PPIG: variants seen among roughly 807,000 people sequenced by gnomAD.
PPIG encodes peptidyl-prolyl cis-trans isomerase G.
PPIG carries 26 observed loss-of-function variants against 87.9 expected under a neutral mutation model. The observed-to-expected ratio is 0.30, with a 90% CI of 0.22 to 0.41. The LOEUF (loss-of-function observed/expected upper bound fraction) is 0.41. Ranked by LOEUF, PPIG falls within the 10% of genes least tolerant of loss-of-function variation. PPIG has a pLI of 1.00. For missense variants in PPIG, 722 were observed against 879.4 expected (o/e 0.82, Z 2.26); for synonymous variants, 308 against 276.5 (o/e 1.11, Z -1.13).
At chr2:169,611,910 T>G (rs1237624525) in intron 7 of PPIG, among the ~76,000 whole-genome samples, 1 of 152,224 alleles carries the variant, frequency 6.6e-6, no homozygotes, top group East Asian at 1.9e-4. Flanking sequence ...TTTTGTACTA[T>G]AACATATAGA....
intron 6 of PPIG, among the ~76,000 whole-genome samples, chr2:169,608,003 G>A (rs762870136): frequency 2.7e-4 from 41 of 152,104 alleles, no homozygotes; most frequent in Non-Finnish European, 5.6e-4. Flanking sequence ...GAGTAGCTAG[G>A]ACTACAGCCA....
chr2:169,636,931 A>T lies in PPIG; in HGVS notation c.1673A>T (p.Tyr558Phe). The T allele has an allele frequency of 6.2e-7, 1 of 1,614,022 alleles. No individual in the cohort carries two copies. Among genetic ancestry groups the T allele is most frequent in the Non-Finnish European group, 8.5e-7 (1 of 1,179,964 alleles). Reference sequence around the variant, plus strand: ...GATATAACTAAAGGTAAACACAGTTATAATAGCAGAACAAGAGAACGAAGC... The same window carrying T: ...GATATAACTAAAGGTAAACACAGTTTTAATAGCAGAACAAGAGAACGAAGC... ...ECDITKGKHS[Y>F]NSRTRERSRS... Residue 558 changes from tyrosine (Y) to phenylalanine (F), a missense_variant, in exon 14 of 14, where the codon TAT becomes TTT. Physicochemically the swap from Tyr to Phe is conservative, Grantham distance 22. This residue lies in a region of PPIG where 476 missense variants were observed against 483.1 expected (regional missense o/e 0.99). Coordinates refer to ENST00000260970, the MANE Select transcript of PPIG (RefSeq NM_004792.3).
rs6708481 is a variant in PPIG at position 169,604,026 on chromosome 2, A to C, written c.-16A>C. ...GTCTGAAACTGTATTTTACTCACAG[A>C]TTAAGTATTGGAGCCATGGGAATAA... On this transcript the variant is annotated splice_region_variant and 5_prime_UTR_variant, in exon 3 of 14. Coordinates refer to ENST00000260970, the MANE Select transcript of PPIG (RefSeq NM_004792.3). 6.3e-3 allele frequency: 10,196 copies of C among 1,611,774 alleles called. 525 individuals are homozygous for C. In the African/African-American group the frequency reaches 0.12, roughly 19 times the overall value.
chr2:169,638,963 A>G lies in PPIG; in HGVS notation c.*1440A>G, dbSNP rs1046828061. The G allele has an allele frequency of 3.3e-5, 5 of 152,024 alleles. No homozygotes were observed. Among genetic ancestry groups the G allele is most frequent in the East Asian group, 1.9e-4 (1 of 5,198 alleles). 9.4% of individuals were successfully genotyped at this position (152,024 alleles called of 1,614,324 possible). A position where few individuals can be genotyped will look rare whatever the true frequency, so the allele number is the denominator to read the frequency against. On this transcript the variant is annotated 3_prime_UTR_variant, in exon 14 of 14. Transcript: ENST00000260970. ...CAGTGTAGTGTCAACTCTGTTACCA[A>G]GGTAGCTTCTTGGTAAATCCAGTAG...
rs1254137978 is a variant in PPIG, at chr2:169,614,445, A to G, written c.378-19A>G. 6.5e-7 allele frequency: 1 copy of G among 1,537,564 alleles called. No homozygotes were observed. The highest frequency in any genetic ancestry group is 2.3e-5 in the East Asian group (1 of 44,018). On this transcript the variant is annotated intron_variant, in intron 7 of 13. Coordinates refer to ENST00000260970, the MANE Select transcript of PPIG (RefSeq NM_004792.3). ...TCTCTGACTTTGTTTTTATTCTTCT[A>G]TCTGATGATTTCCAAAAGAACAACG...
chr2:169,630,645 C>G (rs909573246), intron 9 of PPIG, 129 bp from the exon 10 acceptor site: 4 of 759,654 alleles, frequency 5.3e-6, no homozygotes, highest in African/African-American at 1.8e-5. Context: ...CCTGTACTTC[C>G]CAGTTCACAT....
At position 169,637,746 on chromosome 2, in the gene PPIG, T is replaced by G; in HGVS notation, c.*223T>G. 2.1e-6 allele frequency: 1 copy of G among 468,588 alleles called. No individual in the cohort carries two copies. The allele number at this position is 468,588 out of a possible 1,614,324, so 29.0% of individuals were successfully genotyped here. On this transcript the variant is annotated 3_prime_UTR_variant, in exon 14 of 14. Coordinates refer to ENST00000260970, the MANE Select transcript of PPIG (RefSeq NM_004792.3). ...AATAAACTCGACATGAGAAAAACAC[T>G]TTGGTGTAGTACTGTGTGCTGTGTT...
intron 7 of PPIG, among the ~76,000 whole-genome samples, chr2:169,609,519 G>A (rs753334271): frequency 1.3e-5 from 2 of 152,140 alleles, no homozygotes; most frequent in Non-Finnish European, 1.5e-5. Context: ...AAATTGTTCT[G>A]CTAATGTTTT....
intron 1 of PPIG, among the ~76,000 whole-genome samples, chr2:169,597,395 A>C (rs1161412895): frequency 6.6e-6 from 1 of 152,100 alleles, no homozygotes; most frequent in Non-Finnish European, 1.5e-5. Context: ...CTCGGCTGAA[A>C]GAGTCCTCCC....
chr2:169,591,967 G>T (rs1411042727), intron 1 of PPIG, among the ~76,000 whole-genome samples: 2 of 116,896 alleles, frequency 1.7e-5, no homozygotes, highest in Non-Finnish European at 3.2e-5. Context: ...CACTCTGTTG[G>T]CCAGGCTGGA....
intron 1 of PPIG, among the ~76,000 whole-genome samples, chr2:169,590,100 C>T (rs983103062): frequency 2.8e-5 from 4 of 141,708 alleles, no homozygotes; most frequent in East Asian, 4.2e-4. Flanking sequence ...CAAGAAAGAG[C>T]GAAACTCTGT....
At position 169,640,352 on chromosome 2, in the gene PPIG, G is replaced by A. The variant is rs1686282032; in HGVS notation, c.*2829G>A. On this transcript the variant is annotated 3_prime_UTR_variant, in exon 14 of 14. Transcript: ENST00000260970. Reference sequence around the variant, plus strand: ...ATTAAAGAACTCTTCATTATGGATAGGCACATATTGGATCTCTGGTATTTT... The same window carrying A: ...ATTAAAGAACTCTTCATTATGGATAAGCACATATTGGATCTCTGGTATTTT... 1.3e-5 allele frequency: 2 copies of A among 152,174 alleles called. No individual in the cohort carries two copies. The highest frequency in any genetic ancestry group is 4.8e-5 in the African/African-American group (2 of 41,450). 9.4% of individuals were successfully genotyped at this position (152,174 alleles called of 1,614,324 possible).
At chr2:169,634,700 T>TA (rs1309250511) in intron 12 of PPIG, among the ~76,000 whole-genome samples, 1 of 152,178 alleles carries the variant, frequency 6.6e-6, no homozygotes, top group Non-Finnish European at 1.5e-5. Context: ...TATGGTAAGA[T>TA]ACATGAATAT....
At chr2:169,610,841 T>C (rs191216042) in intron 7 of PPIG, among the ~76,000 whole-genome samples, 42 of 152,364 alleles carry the variant, frequency 2.8e-4, no homozygotes, top group African/African-American at 9.9e-4. Context: ...CATAGTACTC[T>C]ATTGTTTGTG....
chr2:169,618,414 T>C (rs1685658166), intron 9 of PPIG, among the ~76,000 whole-genome samples: 1 of 152,186 alleles, frequency 6.6e-6, no homozygotes. Context: ...TTTGGAATAG[T>C]TTCAGAAGGA....
rs759858781 is a variant in PPIG, at chr2:169,604,245, T to A, written c.120T>A (p.Phe40Leu). ...TGTGCCCCAAAACATGCGAGAACTTTCGTTGTCTTTGTACAGGTTTGTTCA... is the reference window on the plus strand; with the variant it reads ...TGTGCCCCAAAACATGCGAGAACTTACGTTGTCTTTGTACAGGTTTGTTCA... ...SDVCPKTCEN[F>L]RCLCTGEKGT... The change falls in exon 4 of 14, where the codon TTT becomes TTA. Residue 40 changes from phenylalanine (F) to leucine (L), a missense_variant. By Grantham distance (22) the Phe-to-Leu change is conservative. Around this residue, in one of 4 missense-constraint regions of PPIG, gnomAD observed 99 missense variants for 215.8 expected, o/e 0.46. Transcript: ENST00000260970. The A allele has an allele frequency of 6.2e-7, 1 of 1,611,798 alleles. No individual in the cohort carries two copies. The highest frequency in any genetic ancestry group is 8.5e-7 in the Non-Finnish European group (1 of 1,179,516).
intron 9 of PPIG, among the ~76,000 whole-genome samples, chr2:169,626,521 A>C (rs757160464): frequency 9.3e-5 from 14 of 150,534 alleles, no homozygotes; most frequent in Non-Finnish European, 2.1e-4. Flanking sequence ...CCTCCCGAGT[A>C]GCTGGGATTA....
chr2:169,603,858 T>G (rs1446846592), intron 2 of PPIG, among the ~76,000 whole-genome samples, 164 bp downstream of exon 2: 1 of 152,176 alleles, frequency 6.6e-6, no homozygotes, highest in Admixed American at 6.5e-5. Context: ...CAATCTAATC[T>G]CTAAAAAGAA....
chr2:169,619,536 T>G (rs973626606), intron 9 of PPIG, among the ~76,000 whole-genome samples: 6 of 152,162 alleles, frequency 3.9e-5, no homozygotes, highest in Non-Finnish European at 8.8e-5. Context: ...AGAACTTGCT[T>G]TATGAATCTG....
Sources: allele counts gnomAD v4.1 joint callset (sites outside exome capture counted in the v4.1 genomes callset), GRCh38; gene constraint gnomAD v4.1.1; regional missense constraint gnomAD v4.1.1; transcripts MANE v1.5; gene names NCBI Gene and HGNC (gene_info 2026-07-23, HGNC 2026-07-21).